Variants in NFIB observed in about 807,000 individuals in gnomAD.
NFIB encodes the protein nuclear factor 1 B-type.
In NFIB, 11 loss-of-function variants were observed where a neutral mutation model predicts 61.5. The observed-to-expected ratio is 0.18, with a 90% CI of 0.11 to 0.30. The LOEUF (loss-of-function observed/expected upper bound fraction) is 0.30, where lower values mean the gene tolerates loss of function less well. NFIB is among the 10% of genes least tolerant of loss of function. NFIB has a pLI of 1.00. For synonymous variants in NFIB, 260 were observed against 216.5 expected, an observed-to-expected ratio of 1.20 and a Z score of -1.76; for missense variants, 471 against 608.9, an observed-to-expected ratio of 0.77 and a Z score of 2.38.
the NFIB span, among the ~76,000 whole-genome samples, chr9:14,435,788 G>T: frequency 1.3e-5 from 2 of 152,170 alleles, no homozygotes; most frequent in Non-Finnish European, 2.9e-5. Context: ...GTGTTTAAAA[G>T]GAAGGTGGGC....
At chr9:14,520,733 T>C in the NFIB span, among the ~76,000 whole-genome samples, 4 of 152,202 alleles carry the variant, frequency 2.6e-5, no homozygotes, top group African/African-American at 9.6e-5. Context: ...ATCAATTTAG[T>C]GAGACAGCAC....
intron 3 of NFIB, among the ~76,000 whole-genome samples, chr9:14,160,938 T>G (rs1303083337): frequency 2.0e-5 from 3 of 152,028 alleles, no homozygotes; most frequent in Admixed American, 2.0e-4. Flanking sequence ...GTTAGTTTTC[T>G]GGCATTGTTC....
At chr9:14,483,845 C>T in the NFIB span, among the ~76,000 whole-genome samples, 22 of 152,142 alleles carry the variant, frequency 1.4e-4, no homozygotes, top group African/African-American at 5.3e-4. Context: ...TCAAATGTTA[C>T]AAGAAATAAA....
At chr9:14,212,654 T>G (rs895706448) in intron 2 of NFIB, among the ~76,000 whole-genome samples, 1 of 148,274 alleles carries the variant, frequency 6.7e-6, no homozygotes, top group African/African-American at 2.6e-5. Context: ...AAAAAACATG[T>G]TTAAAACTCT....
intron 2 of NFIB, among the ~76,000 whole-genome samples, chr9:14,243,095 T>G (rs953468128): frequency 1.3e-5 from 2 of 152,172 alleles, no homozygotes; most frequent in African/African-American, 4.8e-5. Flanking sequence ...TGTAAAGAGA[T>G]AGCTGATTTA....
chr9:14,189,202 T>C (rs1384411389), intron 2 of NFIB, among the ~76,000 whole-genome samples: 1 of 152,220 alleles, frequency 6.6e-6, no homozygotes, highest in Non-Finnish European at 1.5e-5. Context: ...TGTCACTTCA[T>C]GTATTTTCCC....
chr9:14,092,802 G>A (rs1208578922), intron 10 of NFIB, among the ~76,000 whole-genome samples: 2 of 151,950 alleles, frequency 1.3e-5, no homozygotes, highest in Non-Finnish European at 2.9e-5. Flanking sequence ...GAGGATTAAG[G>A]CGGAAGAAGA....
At chr9:14,191,244 T>C (rs375595442) in intron 2 of NFIB, among the ~76,000 whole-genome samples, 1 of 152,054 alleles carries the variant, frequency 6.6e-6, no homozygotes, top group Middle Eastern at 3.4e-3. Context: ...GGGAGGATCA[T>C]CTGAGCCCTG....
chr9:14,192,972 T>C (rs577442512), intron 2 of NFIB, among the ~76,000 whole-genome samples: 1 of 152,130 alleles, frequency 6.6e-6, no homozygotes, highest in African/African-American at 2.4e-5. Context: ...ACAAATATAA[T>C]AACTTTTTTA....
intron 6 of NFIB, among the ~76,000 whole-genome samples, chr9:14,138,202 A>C (rs1299430725): frequency 4.6e-5 from 7 of 152,152 alleles, no homozygotes; most frequent in African/African-American, 1.7e-4. Flanking sequence ...ATAGATATAA[A>C]CTTAGCCAAG....
rs143967953 is a variant in NFIB, at chr9:14,103,594, G to C, written c.1467+9405C>G. 2.0e-3 allele frequency among the ~76,000 whole-genome samples: 311 copies of C among 152,234 alleles called. 2 individuals are homozygous for C. Among genetic ancestry groups the C allele is most frequent in the Admixed American group, 4.6e-3 (71 of 15,304 alleles). The stretch of plus-strand genomic sequence containing the variant: ...TGTGGCCAAAGAAATAGGCTATTAA[G>C]AATCTTTACTTTCCCTTTTAGACTA... On this transcript the variant is annotated intron_variant, in intron 10 of 10. Coordinates refer to ENST00000380953, the MANE Select transcript of NFIB (RefSeq NM_001190737.2).
the NFIB span, among the ~76,000 whole-genome samples, chr9:14,489,245 A>G: frequency 2.0e-5 from 3 of 152,232 alleles, no homozygotes; most frequent in Admixed American, 6.5e-5. Flanking sequence ...GTTCATAATA[A>G]TAATGAGGAA....
In NFIB at chr9:14,250,346, T is replaced by C. The variant is rs142064500; in HGVS notation, c.562+56643A>G. Among the ~76,000 whole-genome samples the C allele has an allele frequency of 2.4e-4, 37 of 152,262 alleles. No individual in the cohort carries two copies. The Middle Eastern group carries it at 0.01, about 42-fold the overall frequency. On this transcript the variant is annotated intron_variant, in intron 2 of 10. Coordinates refer to ENST00000380953, the MANE Select transcript of NFIB (RefSeq NM_001190737.2). ...GCTAATGTCACAAACCTCTTAAACA[T>C]GAGAGAGAAATTGTACCATTTCTCA...
intron 2 of NFIB, among the ~76,000 whole-genome samples, chr9:14,210,839 T>C (rs2131721919): frequency 6.6e-6 from 1 of 152,308 alleles, no homozygotes; most frequent in South Asian, 2.1e-4. Context: ...AAACTTCCCA[T>C]TTCAAATTTC....
intron 1 of NFIB, among the ~76,000 whole-genome samples, chr9:14,395,497 G>C (rs1251842471): frequency 6.6e-6 from 1 of 151,916 alleles, no homozygotes; most frequent in Non-Finnish European, 1.5e-5. Context: ...AGGCCTACAG[G>C]ACATGAAGCC....
Position 14,307,438 on chromosome 9 carries a change from T to C in NFIB, c.113A>G (p.Lys38Arg). 1 of 1,613,960 alleles carries C rather than the reference T, an allele frequency of 6.2e-7. No homozygotes were observed. The highest frequency in any genetic ancestry group is 8.5e-7 in the Non-Finnish European group (1 of 1,180,014). Residue 38 changes from lysine (K) to arginine (R), a missense_variant, in exon 2 of 11, where the codon AAA becomes AGA. Coordinates refer to ENST00000380953, the MANE Select transcript of NFIB (RefSeq NM_001190737.2). The surrounding 1 kb of genome is among the most constrained non-coding windows in gnomAD (Gnocchi z 5.3). ...CTCATGCTTTTTAAAGTACTTGCGTTTTCGAGCCTGCAGGTTGAACCAAGT... is the reference window on the plus strand; with the variant it reads ...CTCATGCTTTTTAAAGTACTTGCGTCTTCGAGCCTGCAGGTTGAACCAAGT... ...AYTWFNLQAR[K>R]RKYFKKHEKR...
At chr9:14,234,968 T>A (rs1587822588) in intron 2 of NFIB, among the ~76,000 whole-genome samples, 1 of 152,122 alleles carries the variant, frequency 6.6e-6, no homozygotes, top group Non-Finnish European at 1.5e-5. Flanking sequence ...AAATGTTGAA[T>A]AACCAAATCT....
chr9:14,285,422 C>T (rs1252459845), intron 2 of NFIB, among the ~76,000 whole-genome samples: 1 of 152,168 alleles, frequency 6.6e-6, no homozygotes, highest in East Asian at 1.9e-4. Context: ...GCGCCCAGTC[C>T]TATTTCAATT....
At chr9:14,225,456 C>CAAAAAAAAAAAAAAA (rs1228589594) in intron 2 of NFIB, among the ~76,000 whole-genome samples, 24 of 58,002 alleles carry the variant, frequency 4.1e-4, no homozygotes, top group Admixed American at 7.3e-4. Context: ...GACTCCGTCT[C>CAAAAAAAAAAAAAAA]AAAAAAAAAA....
Sources: gnomAD v4.1 joint callset for allele counts (sites outside exome capture counted in the v4.1 genomes callset) on GRCh38, gnomAD v4.1.1 for gene constraint, Gnocchi (gnomAD v3.1) non-coding constraint, MANE v1.5 for transcripts, NCBI Gene and HGNC (gene_info 2026-07-23, HGNC 2026-07-21) for gene names.